TTC27: variants seen among roughly 807,000 people sequenced by gnomAD.
The protein encoded by TTC27 is tetratricopeptide repeat domain 27.
TTC27 carries 79 observed loss-of-function variants against 115.9 expected under a neutral mutation model. The ratio of observed to expected loss-of-function variants is 0.68; its 90% confidence interval spans 0.57 to 0.82. The LOEUF (loss-of-function observed/expected upper bound fraction) is 0.82, where lower values mean the gene tolerates loss of function less well. TTC27 is among the 40% of genes least tolerant of loss of function. The pLI, the probability that TTC27 is intolerant of heterozygous loss-of-function variation, is 0.00. For synonymous variants in TTC27, 401 were observed against 356.0 expected (o/e 1.13, Z -1.42); for missense variants, 1,054 against 993.1 (o/e 1.06, Z -0.82).
chr2:32,809,353 A>T (rs1446645892), intron 16 of TTC27, among the ~76,000 whole-genome samples: 1 of 152,236 alleles, frequency 6.6e-6, no homozygotes, highest in Non-Finnish European at 1.5e-5. Context: ...AACACTGGTG[A>T]TACAGAATGA....
chr2:32,736,908 A>G, intron 12 of TTC27, 92 bp downstream of exon 12: 2 of 1,401,742 alleles, frequency 1.4e-6, no homozygotes, highest in African/African-American at 3.0e-5. Context: ...ACTTTTGCCA[A>G]TATTCACTTA....
At chr2:32,669,623 G>C (rs1482367580) in intron 7 of TTC27, among the ~76,000 whole-genome samples, 1 of 152,010 alleles carries the variant, frequency 6.6e-6, no homozygotes, top group South Asian at 2.1e-4. Flanking sequence ...GGTGGCTCAC[G>C]CCTGTAGTCC....
chr2:32,717,499 T>C (rs1438621237), intron 10 of TTC27, among the ~76,000 whole-genome samples: 3 of 152,210 alleles, frequency 2.0e-5, no homozygotes, highest in African/African-American at 2.4e-5. Flanking sequence ...CTGTAGGTCA[T>C]GGTCAGCTAC....
At chr2:32,777,504 A>G (rs886927797) in intron 13 of TTC27, among the ~76,000 whole-genome samples, 1 of 152,212 alleles carries the variant, frequency 6.6e-6, no homozygotes, top group African/African-American at 2.4e-5. Context: ...AATAATGACA[A>G]GAAAAAAATG....
chr2:32,662,596 T>C (rs1665591029), intron 5 of TTC27, among the ~76,000 whole-genome samples: 1 of 152,236 alleles, frequency 6.6e-6, no homozygotes, highest in South Asian at 2.1e-4. Context: ...TTTGTATTTC[T>C]GTGGGATCAG....
chr2:32,694,558 T>C (rs1346394435), intron 9 of TTC27, among the ~76,000 whole-genome samples: 1 of 152,124 alleles, frequency 6.6e-6, no homozygotes, highest in African/African-American at 2.4e-5. Context: ...AATAAGAAAT[T>C]ATTAGTGACT....
At chr2:32,687,172 A>T (rs1222690960) in intron 9 of TTC27, among the ~76,000 whole-genome samples, 3 of 152,200 alleles carry the variant, frequency 2.0e-5, no homozygotes, top group Non-Finnish European at 4.4e-5. Context: ...ACATATTTAG[A>T]AGGCATTCAA....
At chr2:32,773,516 T>A (rs1322833766) in intron 13 of TTC27, among the ~76,000 whole-genome samples, 1 of 152,204 alleles carries the variant, frequency 6.6e-6, no homozygotes, top group Non-Finnish European at 1.5e-5. Context: ...TCATGGCTTG[T>A]GTATAGGCAG....
intron 4 of TTC27, 135 bp from the exon 5 acceptor site, chr2:32,649,996 A>G (rs1014694156): frequency 3.0e-6 from 2 of 657,268 alleles, no homozygotes; most frequent in Non-Finnish European, 5.2e-6. Flanking sequence ...TACTGAAGAG[A>G]GTAGTGGATG....
chr2:32,764,009 T>A (rs1669536059), intron 13 of TTC27, among the ~76,000 whole-genome samples: 1 of 152,210 alleles, frequency 6.6e-6, no homozygotes, highest in Non-Finnish European at 1.5e-5. Context: ...TATGCAAAAA[T>A]GTAAAAACCA....
At chr2:32,646,230 A>G (rs1664853806) in intron 4 of TTC27, among the ~76,000 whole-genome samples, 1 of 149,598 alleles carries the variant, frequency 6.7e-6, no homozygotes, top group South Asian at 2.1e-4. Context: ...GGGTTTCACC[A>G]TGTTAGCCCA....
intron 10 of TTC27, among the ~76,000 whole-genome samples, chr2:32,707,315 T>C (rs148227530): frequency 6.6e-6 from 1 of 152,256 alleles, no homozygotes; most frequent in Non-Finnish European, 1.5e-5. Context: ...AAAGGAAGTA[T>C]ATGTAAGAGA....
chr2:32,653,471 G>A (rs1665205805), intron 5 of TTC27, among the ~76,000 whole-genome samples: 1 of 151,906 alleles, frequency 6.6e-6, no homozygotes, highest in Non-Finnish European at 1.5e-5. Flanking sequence ...GTGTGTGCCT[G>A]TAATCCCAGC....
chr2:32,705,048 C>T (rs1374458185), intron 10 of TTC27: 1 of 407,870 alleles, frequency 2.5e-6, no homozygotes, highest in Non-Finnish European at 5.1e-6. Context: ...AAATGTGATT[C>T]CCATTGTTGG....
intron 13 of TTC27, among the ~76,000 whole-genome samples, chr2:32,761,151 CT>C (rs939336900): frequency 1.8e-4 from 27 of 152,166 alleles, no homozygotes; most frequent in African/African-American, 6.3e-4. Context: ...TCCCTAATCC[CT>C]CTTCCTCCCA....
At chr2:32,700,287 ACCCAGGGAGGTCAAGTAACTTC>A (rs1667139620) in intron 9 of TTC27, among the ~76,000 whole-genome samples, 1 of 152,160 alleles carries the variant, frequency 6.6e-6, no homozygotes, top group Non-Finnish European at 1.5e-5. Flanking sequence ...AAAGTGAGAC[ACCCAGGGAGGTCAAGTAACTTC>A]CCCAGGTCAC....
At chr2:32,628,533 G>C (rs554249843) in intron 1 of TTC27, among the ~76,000 whole-genome samples, 153 bp downstream of exon 1, 27 of 152,240 alleles carry the variant, frequency 1.8e-4, no homozygotes, top group African/African-American at 6.3e-4. Context: ...GACATGGTGG[G>C]CGTGGTCCTC....
At chr2:32,648,149 C>A (rs756541102) in intron 4 of TTC27, among the ~76,000 whole-genome samples, 1 of 151,148 alleles carries the variant, frequency 6.6e-6, no homozygotes, top group Admixed American at 6.6e-5. Flanking sequence ...TTTTTTGAGA[C>A]GGAGTTTCAC....
intron 4 of TTC27, among the ~76,000 whole-genome samples, chr2:32,649,466 G>T (rs545581673): frequency 1.3e-5 from 2 of 152,246 alleles, no homozygotes; most frequent in African/African-American, 2.4e-5. Context: ...CCCCACAGGG[G>T]GTTCTTGTGG....
Sources: gnomAD v4.1 joint callset for allele counts (sites outside exome capture counted in the v4.1 genomes callset) on GRCh38, gnomAD v4.1.1 for gene constraint, MANE v1.5 for transcripts, NCBI Gene and HGNC (gene_info 2026-07-23, HGNC 2026-07-21) for gene names.